A1CF: variants seen among roughly 807,000 people sequenced by gnomAD.
A1CF encodes the protein APOBEC1 complementation factor, also known as APOBEC-1 stimulating protein.
A neutral mutation model predicts 68.9 loss-of-function variants in A1CF; 48 were observed. The observed-to-expected ratio is 0.70, with a 90% CI of 0.55 to 0.89. A1CF has a LOEUF of 0.89. Among genes scored for constraint, A1CF ranks in the 40% least tolerant of loss-of-function variants. The pLI, the probability that A1CF is intolerant of heterozygous loss-of-function variation, is 0.00. For synonymous variants in A1CF, 272 were observed against 260.4 expected (o/e 1.04, Z -0.43); for missense variants, 653 against 718.9 (o/e 0.91, Z 1.05).
intron 12 of A1CF, among the ~76,000 whole-genome samples, chr10:50,807,557 G>T (rs144792079): frequency 4.6e-5 from 7 of 152,154 alleles, no homozygotes; most frequent in Admixed American, 1.3e-4. Context: ...CTTGATGCTG[G>T]TTCTCCGCCT....
chr10:50,855,325 C>T (rs1343213343), intron 3 of A1CF, among the ~76,000 whole-genome samples: 1 of 151,930 alleles, frequency 6.6e-6, no homozygotes, highest in Non-Finnish European at 1.5e-5. Flanking sequence ...AATCCCCACA[C>T]ATAATTCCAT....
At chr10:50,829,816 T>G (rs1839153552) in intron 6 of A1CF, among the ~76,000 whole-genome samples, 1 of 152,180 alleles carries the variant, frequency 6.6e-6, no homozygotes, top group Admixed American at 6.6e-5. Context: ...TAAAAAATAA[T>G]GAAACCTGGG....
chr10:50,868,828 A>G (rs781474356), intron 1 of A1CF, among the ~76,000 whole-genome samples: 4 of 152,212 alleles, frequency 2.6e-5, no homozygotes, highest in Non-Finnish European at 5.9e-5. Flanking sequence ...CAGGGACAGA[A>G]CTGAAATGTA....
chr10:50,839,632 G>A (rs1839679298), intron 5 of A1CF, among the ~76,000 whole-genome samples: 1 of 152,208 alleles, frequency 6.6e-6, no homozygotes, highest in Non-Finnish European at 1.5e-5. Context: ...CTGTGGGAGG[G>A]AAGCCTCCTT....
Position 50,809,906 on chromosome 10 carries a change from T to TAGC in A1CF, c.1594_1596dup (p.Ala532dup), listed in dbSNP as rs747104061. On this transcript the variant is annotated inframe_insertion, in exon 12 of 13. Coordinates refer to ENST00000373997, the MANE Select transcript of A1CF (RefSeq NM_014576.4). ...AATTTTCCCATACCTGGGAAAGCAG[T>TAGC]AGCAGCAGCAGCAGCAGTAGCCATG... 8.1e-6 allele frequency: 13 copies of TAGC among 1,602,064 alleles called. No homozygotes were observed. The highest frequency in any genetic ancestry group is 3.3e-5 in the South Asian group (3 of 90,152).
intron 7 of A1CF, chr10:50,822,600 C>G (rs1838729403): frequency 6.6e-6 from 1 of 152,194 alleles, no homozygotes; most frequent in Non-Finnish European, 1.5e-5. Context: ...TCACTCCCTT[C>G]AACAGTCGAC....
chr10:50,832,271 T>C (rs1430600049), intron 6 of A1CF, among the ~76,000 whole-genome samples: 2 of 152,276 alleles, frequency 1.3e-5, no homozygotes, highest in South Asian at 2.1e-4. Context: ...GTTAATACCA[T>C]GGAAACTGGC....
intron 7 of A1CF, among the ~76,000 whole-genome samples, chr10:50,825,537 T>C (rs1311565719): frequency 6.6e-6 from 1 of 152,190 alleles, no homozygotes; most frequent in Non-Finnish European, 1.5e-5. Flanking sequence ...TATTTGACCA[T>C]GGAGCCCTTT....
rs1342767073 is a variant in A1CF, at chr10:50,828,171, A to G, written c.729T>C (p.Ser243=). The change falls in exon 7 of 13, where the codon TCT becomes TCC. Residue 243 remains serine (S), a synonymous_variant. Coordinates refer to ENST00000373997, the MANE Select transcript of A1CF (RefSeq NM_014576.4). Reference sequence around the variant, plus strand: ...TGAATTCCTTTTCAATCATCTCTTCAGAGGTAGACAGCATAAGATTTCTTA... The same window carrying G: ...TGAATTCCTTTTCAATCATCTCTTCGGAGGTAGACAGCATAAGATTTCTTA... The part of the protein sequence containing the change: ...LYVRNLMLST[S]EEMIEKEFNN... 1 of 1,603,282 alleles carries G rather than the reference A, an allele frequency of 6.2e-7. No homozygotes were observed.
Position 50,853,133 on chromosome 10 carries a change from G to A in A1CF, c.99+6709C>T, listed in dbSNP as rs140712416. On this transcript the variant is annotated intron_variant, in intron 3 of 12. Coordinates refer to ENST00000373997, the MANE Select transcript of A1CF (RefSeq NM_014576.4). ...TACTGTATTTTGTTCCTAGTTTGAG[G>A]AGATTGTTCCCAGGACACCAGGTTC... Among the ~76,000 whole-genome samples the A allele has an allele frequency of 6.0e-3, 920 of 152,186 alleles. 7 individuals carry two copies. The highest frequency in any genetic ancestry group is 0.021 in the African/African-American group (858 of 41,536).
At chr10:50,843,035 C>T (rs1250272240) in intron 4 of A1CF, among the ~76,000 whole-genome samples, 1 of 152,086 alleles carries the variant, frequency 6.6e-6, no homozygotes, top group Non-Finnish European at 1.5e-5. Context: ...GAAGGGTTGC[C>T]CAAATAAATA....
intron 1 of A1CF, among the ~76,000 whole-genome samples, chr10:50,878,490 T>C (rs1421292483): frequency 6.6e-6 from 1 of 152,204 alleles, no homozygotes; most frequent in Non-Finnish European, 1.5e-5. Context: ...TTGTAGCAAG[T>C]GGTAGAGCCA....
chr10:50,860,001 A>G lies in A1CF; in HGVS notation c.-45-16T>C. ...GGGTTGCTCACTGAAACCAAATTTAAGATAAATTAAGTAAATTACTGTTGT... is the reference window on the plus strand; with the variant it reads ...GGGTTGCTCACTGAAACCAAATTTAGGATAAATTAAGTAAATTACTGTTGT... On this transcript the variant is annotated splice_polypyrimidine_tract_variant and intron_variant, in intron 2 of 12. Transcript: ENST00000373997. The G allele has an allele frequency of 7.6e-7, 1 of 1,314,308 alleles. No homozygotes were observed. Among genetic ancestry groups the G allele is most frequent in the Non-Finnish European group, 1.1e-6 (1 of 911,534 alleles). 81.4% of individuals were successfully genotyped at this position (1,314,308 alleles called of 1,614,324 possible).
intron 7 of A1CF, among the ~76,000 whole-genome samples, chr10:50,825,331 A>G (rs1838868120): frequency 6.6e-6 from 1 of 152,174 alleles, no homozygotes; most frequent in Non-Finnish European, 1.5e-5. Context: ...ACTACTGCCC[A>G]GAGTGTGTTT....
chr10:50,848,524 G>T (rs574140696), intron 3 of A1CF, among the ~76,000 whole-genome samples: 1 of 152,214 alleles, frequency 6.6e-6, no homozygotes, highest in Admixed American at 6.5e-5. Context: ...TCCCATAAAT[G>T]AGCCCATTCA....
chr10:50,861,284 CT>C (rs1285293528), intron 2 of A1CF, among the ~76,000 whole-genome samples: 1 of 150,638 alleles, frequency 6.6e-6, no homozygotes, highest in African/African-American at 2.4e-5. Flanking sequence ...ATTACTAAGA[CT>C]ACCTACTAAT....
At chr10:50,809,158 A>G (rs1837973389) in intron 12 of A1CF, among the ~76,000 whole-genome samples, 1 of 152,180 alleles carries the variant, frequency 6.6e-6, no homozygotes, top group Non-Finnish European at 1.5e-5. Context: ...AATCTTTTAA[A>G]ATGTGACCTC....
At position 50,853,204 on chromosome 10, in the gene A1CF, T is replaced by C. The variant is rs1589022708; in HGVS notation, c.99+6638A>G. On this transcript the variant is annotated intron_variant, in intron 3 of 12. Transcript: ENST00000373997. Reference sequence around the variant, plus strand: ...GGGAAAGATGAAATCCACCGACTTATCTGCTGTAATCTCACTAGATCTTTG... The same window carrying C: ...GGGAAAGATGAAATCCACCGACTTACCTGCTGTAATCTCACTAGATCTTTG... Among the ~76,000 whole-genome samples, 5 of 152,172 alleles carry C rather than the reference T, an allele frequency of 3.3e-5. No individual in the cohort carries two copies. The South Asian group carries it at 1.0e-3, about 32-fold the overall frequency.
chr10:50,813,143 T>C (rs1838198791), intron 10 of A1CF, among the ~76,000 whole-genome samples: 1 of 152,218 alleles, frequency 6.6e-6, no homozygotes. Flanking sequence ...TCAGCACCTA[T>C]CACACTCCCA....
Sources: gnomAD v4.1 joint callset for allele counts (sites outside exome capture counted in the v4.1 genomes callset) on GRCh38, gnomAD v4.1.1 for gene constraint, MANE v1.5 for transcripts, NCBI Gene and HGNC (gene_info 2026-07-23, HGNC 2026-07-21) for gene names.